The following PRDM16 variants were observed in gnomAD, a reference collection of about 807,000 sequenced individuals.
The protein encoded by PRDM16 is histone-lysine N-methyltransferase PRDM16.
A neutral mutation model predicts 110.6 loss-of-function variants in PRDM16; 23 were observed. The ratio of observed to expected loss-of-function variants is 0.21; its 90% CI spans 0.15 to 0.29. The LOEUF (loss-of-function observed/expected upper bound fraction) is 0.29, where lower values mean the gene tolerates loss of function less well. Ranked by LOEUF, PRDM16 falls within the 10% of genes least tolerant of loss-of-function variation. The pLI is 1.00. For synonymous variants in PRDM16, 799 were observed against 781.8 expected (o/e 1.02, Z -0.37); for missense variants, 1,615 against 1,794.3 (o/e 0.90, Z 1.81).
chr1:3,273,966 T>G (rs1569971574), intron 3 of PRDM16, among the ~76,000 whole-genome samples: 1 of 111,586 alleles, frequency 9.0e-6, no homozygotes, highest in Non-Finnish European at 1.6e-5. Context: ...GTGGACTTGG[T>G]ATGGGGAGGT....
chr1:3,092,587 G>A (rs1642302574), intron 1 of PRDM16, among the ~76,000 whole-genome samples: 5 of 152,202 alleles, frequency 3.3e-5, no homozygotes, highest in Non-Finnish European at 1.5e-5. Flanking sequence ...GAAATGAGTG[G>A]GAGGCACACA....
chr1:3,352,472 T>C (rs961783946), intron 3 of PRDM16, among the ~76,000 whole-genome samples: 2 of 152,200 alleles, frequency 1.3e-5, no homozygotes, highest in African/African-American at 4.8e-5. Flanking sequence ...TCCAGTAGCA[T>C]TTCCGCCCTC....
At chr1:3,394,605 C>T (rs1440636212) in intron 4 of PRDM16, 4 of 358,170 alleles carry the variant, frequency 1.1e-5, no homozygotes, top group Admixed American at 9.4e-5. Context: ...CCCGCTGACC[C>T]TCCTCTCTCC....
At chr1:3,365,342 G>A (rs1389828231) in intron 3 of PRDM16, among the ~76,000 whole-genome samples, 3 of 152,218 alleles carry the variant, frequency 2.0e-5, no homozygotes, top group Admixed American at 6.5e-5. Flanking sequence ...CCCTGGGCTG[G>A]GGGCTGTCCC....
intron 1 of PRDM16, among the ~76,000 whole-genome samples, chr1:3,113,565 G>A (rs986648731): frequency 6.6e-6 from 1 of 152,162 alleles, no homozygotes; most frequent in Non-Finnish European, 1.5e-5. Context: ...AGGGGCCTGC[G>A]TCCATGGCTG....
rs551439900 is a variant in PRDM16 at position 3,170,907 on chromosome 1, G to A, written c.38-15218G>A. On this transcript the variant is annotated intron_variant, in intron 1 of 16. Transcript: ENST00000270722. ...GCCACGGTGGAGGCAGGCCACCGGGGAAACGTGTGTTTCAGCTCCCAGAGC... is the reference window on the plus strand; with the variant it reads ...GCCACGGTGGAGGCAGGCCACCGGGAAAACGTGTGTTTCAGCTCCCAGAGC... Among the ~76,000 whole-genome samples, 138 of 152,370 alleles carry A rather than the reference G, an allele frequency of 9.1e-4. 1 individual carries two copies. Among genetic ancestry groups the A allele is most frequent in the Non-Finnish European group, 1.6e-3 (106 of 68,028 alleles).
intron 1 of PRDM16, among the ~76,000 whole-genome samples, chr1:3,093,157 T>C (rs1274501452): frequency 6.6e-6 from 1 of 152,158 alleles, no homozygotes; most frequent in Non-Finnish European, 1.5e-5. Context: ...CTTCATACTG[T>C]TTTCCTCACC....
At chr1:3,203,571 G>A (rs552354830) in intron 2 of PRDM16, among the ~76,000 whole-genome samples, 40 of 145,974 alleles carry the variant, frequency 2.7e-4, no homozygotes, top group Non-Finnish European at 4.6e-4. Context: ...GGGTCCGTGC[G>A]TTTCTCTCCC....
intron 9 of PRDM16, among the ~76,000 whole-genome samples, chr1:3,413,533 G>T (rs1284276868): frequency 1.3e-5 from 2 of 151,328 alleles, no homozygotes; most frequent in East Asian, 3.9e-4. Flanking sequence ...CTTGGGGAGG[G>T]GGTCCTACCC....
At chr1:3,121,505 G>A (rs992246170) in intron 1 of PRDM16, among the ~76,000 whole-genome samples, 1 of 152,262 alleles carries the variant, frequency 6.6e-6, no homozygotes, top group African/African-American at 2.4e-5. Context: ...GGAGCAAACC[G>A]TTTCTGTGGA....
intron 3 of PRDM16, among the ~76,000 whole-genome samples, chr1:3,342,692 TG>T (rs1394180118): frequency 6.6e-6 from 1 of 152,208 alleles, no homozygotes; most frequent in Non-Finnish European, 1.5e-5. Context: ...TCTATCACCT[TG>T]GATTCATTTT....
At chr1:3,184,035 G>A (rs760909087) in intron 1 of PRDM16, among the ~76,000 whole-genome samples, 7 of 152,172 alleles carry the variant, frequency 4.6e-5, no homozygotes, top group Non-Finnish European at 7.4e-5. Context: ...CACGGTCAGC[G>A]GGGCGGGGGT....
At chr1:3,156,205 G>A (rs1423469533) in intron 1 of PRDM16, among the ~76,000 whole-genome samples, 1 of 152,112 alleles carries the variant, frequency 6.6e-6, no homozygotes, top group East Asian at 1.9e-4. Context: ...GAGGGTCCCG[G>A]GCTGCTCTGA....
intron 1 of PRDM16, among the ~76,000 whole-genome samples, chr1:3,107,895 C>T (rs1197121600): frequency 6.6e-6 from 1 of 152,264 alleles, no homozygotes; most frequent in Admixed American, 6.5e-5. Context: ...TGGGGCTGGG[C>T]TTTCCTGGGA....
chr1:3,131,114 G>A (rs1207158418), intron 1 of PRDM16, among the ~76,000 whole-genome samples: 2 of 152,250 alleles, frequency 1.3e-5, no homozygotes, highest in African/African-American at 2.4e-5. Context: ...GGCTTCCTCC[G>A]AGCTGTGCCG....
At chr1:3,179,550 A>G (rs1366962278) in intron 1 of PRDM16, among the ~76,000 whole-genome samples, 1 of 152,248 alleles carries the variant, frequency 6.6e-6, no homozygotes, top group Admixed American at 6.5e-5. Flanking sequence ...ACCTGGAAAC[A>G]GGCTGAGAAA....
At chr1:3,214,160 GAGAAAATGGTTTTCCTTTTC>G (rs1283604718) in intron 2 of PRDM16, among the ~76,000 whole-genome samples, 2 of 152,174 alleles carry the variant, frequency 1.3e-5, no homozygotes, top group African/African-American at 4.8e-5. Context: ...GTAGTTAATG[GAGAAAATGGTTTTCCTTTTC>G]AGACAGGCGT....
chr1:3,287,932 G>A (rs529305994), intron 3 of PRDM16, among the ~76,000 whole-genome samples: 41 of 152,334 alleles, frequency 2.7e-4, no homozygotes, highest in African/African-American at 9.6e-4. Context: ...TTCTCACCCC[G>A]GCTGGGGCAG....
chr1:3,216,942 C>A (rs938646212), intron 2 of PRDM16, among the ~76,000 whole-genome samples: 1 of 152,238 alleles, frequency 6.6e-6, no homozygotes. Flanking sequence ...TCTCTGACAG[C>A]CTGAAGCCAC....
Sources: gnomAD v4.1 joint callset for allele counts (sites outside exome capture counted in the v4.1 genomes callset) on GRCh38, gnomAD v4.1.1 for gene constraint, MANE v1.5 for transcripts, NCBI Gene and HGNC (gene_info 2026-07-23, HGNC 2026-07-21) for gene names.